The following PRKG1 variants were observed in gnomAD, a reference collection of about 807,000 sequenced individuals.
The protein encoded by PRKG1 is cGMP-dependent protein kinase 1.
In PRKG1, 35 loss-of-function variants were observed where a neutral mutation model predicts 88.1. The observed-to-expected ratio is 0.40, with a 90% CI of 0.30 to 0.53. PRKG1 has a LOEUF of 0.53. PRKG1 is among the 20% of genes least tolerant of loss of function. PRKG1 has a pLI of 0.59. For synonymous variants in PRKG1, 303 were observed against 292.5 expected, an observed-to-expected ratio of 1.04 and a Z score of -0.37; for missense variants, 540 against 839.8, an observed-to-expected ratio of 0.64 and a Z score of 4.41.
chr10:52,024,491 C>A (rs910244446), intron 5 of PRKG1, among the ~76,000 whole-genome samples: 11 of 152,092 alleles, frequency 7.2e-5, no homozygotes, highest in African/African-American at 2.4e-4. Context: ...TCCCCCACCC[C>A]ACGACAGGCC....
intron 4 of PRKG1, among the ~76,000 whole-genome samples, chr10:51,841,442 A>G (rs1172485381): frequency 2.0e-5 from 3 of 152,218 alleles, no homozygotes. Flanking sequence ...ACATATTAAG[A>G]AAGCACATAG....
intron 1 of PRKG1, among the ~76,000 whole-genome samples, chr10:51,152,023 C>T (rs1192777529): frequency 6.6e-6 from 1 of 152,070 alleles, no homozygotes; most frequent in African/African-American, 2.4e-5. Context: ...GCTGCCTCCT[C>T]TCTGGATTGC....
At chr10:51,628,993 C>CAA (rs1564580688) in intron 3 of PRKG1, among the ~76,000 whole-genome samples, 35 of 148,236 alleles carry the variant, frequency 2.4e-4, no homozygotes, top group African/African-American at 8.5e-4. Context: ...AAACAAAAAC[C>CAA]AAAAAAACTG....
intron 3 of PRKG1, among the ~76,000 whole-genome samples, chr10:51,561,902 T>C (rs1000183637): frequency 3.6e-4 from 55 of 151,998 alleles, no homozygotes; most frequent in Admixed American, 3.6e-3. Context: ...GGCAGGTCTA[T>C]CAGGGAAGTG....
At chr10:51,868,406 A>G (rs946145065) in intron 4 of PRKG1, among the ~76,000 whole-genome samples, 1 of 152,188 alleles carries the variant, frequency 6.6e-6, no homozygotes, top group African/African-American at 2.4e-5. Context: ...TGTGAGAACA[A>G]TAAGAAGCAT....
chr10:51,471,942 CTAAT>C (rs1445875578), intron 3 of PRKG1, among the ~76,000 whole-genome samples: 4 of 151,784 alleles, frequency 2.6e-5, no homozygotes, highest in Admixed American at 1.3e-4. Flanking sequence ...AAATATCTGA[CTAAT>C]TATTTCTCCT....
At chr10:51,785,709 T>A (rs181067997) in intron 3 of PRKG1, among the ~76,000 whole-genome samples, 2 of 152,096 alleles carry the variant, frequency 1.3e-5, no homozygotes, top group African/African-American at 4.8e-5. Context: ...CCTGTCAACA[T>A]GATGCCATGC....
chr10:51,854,532 A>C (rs1199477457), intron 4 of PRKG1, among the ~76,000 whole-genome samples: 2 of 152,214 alleles, frequency 1.3e-5, no homozygotes, highest in Non-Finnish European at 2.9e-5. Flanking sequence ...AATATAACAC[A>C]ACCATTATAA....
At chr10:51,530,313 T>A (rs1334463958) in intron 3 of PRKG1, among the ~76,000 whole-genome samples, 1 of 152,236 alleles carries the variant, frequency 6.6e-6, no homozygotes, top group Non-Finnish European at 1.5e-5. Flanking sequence ...GTTGATTTCC[T>A]ATTTTAAAAT....
At chr10:52,048,617 TTA>T (rs1442775423) in intron 5 of PRKG1, among the ~76,000 whole-genome samples, 1 of 152,118 alleles carries the variant, frequency 6.6e-6, no homozygotes, top group Non-Finnish European at 1.5e-5. Context: ...AAATGTACAT[TTA>T]TATATTAATG....
chr10:51,570,767 G>A (rs1427593296), intron 3 of PRKG1, among the ~76,000 whole-genome samples: 1 of 151,592 alleles, frequency 6.6e-6, no homozygotes, highest in Non-Finnish European at 1.5e-5. Flanking sequence ...GATGTATAGG[G>A]TGTGAAAATG....
intron 2 of PRKG1, among the ~76,000 whole-genome samples, chr10:51,434,450 A>G (rs1838863184): frequency 6.6e-6 from 1 of 152,148 alleles, no homozygotes; most frequent in South Asian, 2.1e-4. Flanking sequence ...AGGATCAGTC[A>G]GCCAAAACAT....
At chr10:51,520,403 TTA>T (rs1841706183) in intron 3 of PRKG1, among the ~76,000 whole-genome samples, 1 of 151,158 alleles carries the variant, frequency 6.6e-6, no homozygotes, top group South Asian at 2.1e-4. Flanking sequence ...AGACTCTAGA[TTA>T]TATAAAGTAT....
rs1055930756 is a variant in PRKG1 at position 52,140,103 on chromosome 10, T to C, written c.1001+6198T>C. ...TGATTTAGTTCTCATCATTAAAACATGTAAAAATCATTCTTATCTCATGAC... is the reference window on the plus strand; with the variant it reads ...TGATTTAGTTCTCATCATTAAAACACGTAAAAATCATTCTTATCTCATGAC... On this transcript the variant is annotated intron_variant, in intron 8 of 17. Coordinates refer to ENST00000373980, the MANE Select transcript of PRKG1 (RefSeq NM_006258.4). Among the ~76,000 whole-genome samples the C allele has an allele frequency of 5.3e-5, 8 of 152,330 alleles. No homozygotes were observed. In the South Asian group the frequency reaches 1.4e-3, roughly 28 times the overall value.
In PRKG1 at chr10:51,566,130, T is replaced by C. The variant is rs10998198; in HGVS notation, c.592+98294T>C. On this transcript the variant is annotated intron_variant, in intron 3 of 17. Coordinates refer to ENST00000373980, the MANE Select transcript of PRKG1 (RefSeq NM_006258.4). The stretch of plus-strand genomic sequence containing the variant: ...GCTTAAGTGCCAAATGTAGAAAATA[T>C]AATGTTTGAGTCCTAAGGAGGGAGA... 5.3e-5 allele frequency among the ~76,000 whole-genome samples: 8 copies of C among 152,220 alleles called. No homozygotes were observed. In the East Asian group the frequency reaches 1.4e-3, roughly 26 times the overall value.
intron 5 of PRKG1, among the ~76,000 whole-genome samples, chr10:51,927,090 A>C (rs1052909933): frequency 1.1e-4 from 16 of 152,066 alleles, no homozygotes; most frequent in Admixed American, 5.2e-4. Flanking sequence ...CCTGAGAATT[A>C]CTGAAATGTA....
intron 3 of PRKG1, among the ~76,000 whole-genome samples, chr10:51,580,583 G>T (rs1241390994): frequency 6.6e-6 from 1 of 152,020 alleles, no homozygotes; most frequent in Non-Finnish European, 1.5e-5. Flanking sequence ...TCATGGAAGA[G>T]AATTAAGCTC....
chr10:51,852,810 G>T (rs533097171), intron 4 of PRKG1, among the ~76,000 whole-genome samples: 9 of 152,200 alleles, frequency 5.9e-5, no homozygotes, highest in African/African-American at 2.2e-4. Flanking sequence ...GTGAACTTGA[G>T]TAACTTTGCT....
chr10:51,527,851 C>T (rs1841921083), intron 3 of PRKG1, among the ~76,000 whole-genome samples: 1 of 152,078 alleles, frequency 6.6e-6, no homozygotes, highest in African/African-American at 2.4e-5. Flanking sequence ...GCAAATATCT[C>T]CCTAGTTAAG....
Sources: gnomAD v4.1 joint callset for allele counts (sites outside exome capture counted in the v4.1 genomes callset) on GRCh38, gnomAD v4.1.1 for gene constraint, MANE v1.5 for transcripts, NCBI Gene and HGNC (gene_info 2026-07-23, HGNC 2026-07-21) for gene names.